Variants in GRIK4 observed in about 807,000 individuals in gnomAD.
GRIK4 encodes the protein glutamate receptor ionotropic, kainate 4.
Under a neutral mutation model 104.9 loss-of-function variants are expected in GRIK4, and 40 were observed. The observed-to-expected ratio is 0.38, with a 90% CI of 0.30 to 0.50. GRIK4 has a LOEUF of 0.50. GRIK4 is among the 20% of genes least tolerant of loss of function. The pLI is 0.93. For missense variants in GRIK4, 1,047 were observed against 1,308.1 expected (o/e 0.80, Z 3.08); for synonymous variants, 485 against 524.9 (o/e 0.92, Z 1.04).
intron 1 of GRIK4, among the ~76,000 whole-genome samples, chr11:120,552,141 G>A (rs114645872): frequency 0.018 from 2,692 of 152,326 alleles, 79 homozygotes; most frequent in African/African-American, 0.06. Context: ...AATTTCCCCC[G>A]GGGCCTGGAC....
At chr11:120,731,247 TGTTTTTTTTTA>T (rs1951122853) in intron 3 of GRIK4, among the ~76,000 whole-genome samples, 2 of 150,910 alleles carry the variant, frequency 1.3e-5, no homozygotes, top group Middle Eastern at 3.4e-3. Context: ...CTTCTATACC[TGTTTTTTTTTA>T]GTTTTTTTTT....
intron 3 of GRIK4, among the ~76,000 whole-genome samples, chr11:120,699,203 C>T (rs1231120043): frequency 6.6e-6 from 1 of 152,166 alleles, no homozygotes; most frequent in Non-Finnish European, 1.5e-5. Context: ...CACCTACCTG[C>T]CTTGATCTCT....
intron 12 of GRIK4, 151 bp downstream of exon 12, chr11:120,898,790 G>A: frequency 1.6e-6 from 1 of 621,484 alleles, no homozygotes; most frequent in Non-Finnish European, 2.9e-6. Context: ...TCAAGTTGCT[G>A]TTTCATATGG....
intron 6 of GRIK4, among the ~76,000 whole-genome samples, chr11:120,821,796 T>C (rs889287988): frequency 2.6e-5 from 4 of 152,200 alleles, no homozygotes; most frequent in African/African-American, 9.6e-5. Flanking sequence ...TTCGAGCATC[T>C]CCTGGGTGCT....
chr11:120,678,065 A>T (rs1048637992), intron 3 of GRIK4, among the ~76,000 whole-genome samples: 2 of 152,208 alleles, frequency 1.3e-5, no homozygotes, highest in African/African-American at 4.8e-5. Context: ...TATCTATTAC[A>T]CTAGACTCCT....
chr11:120,628,878 C>T (rs890994670), intron 1 of GRIK4, among the ~76,000 whole-genome samples: 2 of 152,142 alleles, frequency 1.3e-5, no homozygotes, highest in Admixed American at 6.5e-5. Flanking sequence ...CCCTCCCTCC[C>T]TTCCTTCCTT....
chr11:120,785,618 A>G (rs941517036), intron 3 of GRIK4, among the ~76,000 whole-genome samples: 2 of 152,230 alleles, frequency 1.3e-5, no homozygotes, highest in African/African-American at 4.8e-5. Context: ...GAGTTAGCTC[A>G]TATCAGGGTC....
At chr11:120,519,889 T>TTTTTTTTG (rs1555132646) in intron 1 of GRIK4, among the ~76,000 whole-genome samples, 3 of 146,582 alleles carry the variant, frequency 2.0e-5, no homozygotes, top group South Asian at 2.2e-4. Context: ...TGTTTTTTTT[T>TTTTTTTTG]TTGTTGTTGT....
At chr11:120,962,042 G>C (rs1022367426) in intron 17 of GRIK4, among the ~76,000 whole-genome samples, 1 of 138,216 alleles carries the variant, frequency 7.2e-6, no homozygotes, top group African/African-American at 2.6e-5. Flanking sequence ...GGGTATCTCT[G>C]TATAGTCCTA....
chr11:120,905,513 T>G lies in GRIK4; in HGVS notation c.1476+20T>G. On this transcript the variant is annotated intron_variant, in intron 13 of 20. Coordinates refer to ENST00000527524, the MANE Select transcript of GRIK4 (RefSeq NM_014619.5). This position sits in a 1 kb window ranked among gnomAD's most constrained non-coding sequence, Gnocchi z 5.1. ...GCTAGGGTAAGGAGAGGACAAGTGATCTGGGCCTGAGGGTGGGCTGGGAGG... is the reference window on the plus strand; with the variant it reads ...GCTAGGGTAAGGAGAGGACAAGTGAGCTGGGCCTGAGGGTGGGCTGGGAGG... 9.7e-7 allele frequency: 1 copy of G among 1,032,572 alleles called. No individual in the cohort carries two copies. The highest frequency in any genetic ancestry group is 1.2e-5 in the South Asian group (1 of 81,032). 64.0% of individuals were successfully genotyped at this position (1,032,572 alleles called of 1,614,324 possible).
At position 120,905,431 on chromosome 11, in the gene GRIK4, G is replaced by T. The variant is rs369283106; in HGVS notation, c.1414G>T (p.Val472Leu). ...CAAGATCCGCCTGGTTGGGGATGGC[G>T]TGTACGGCGTTCCCGAGGCCAACGG... ...NYKIRLVGDG[V>L]YGVPEANGTW... Residue 472 changes from valine to leucine, a missense_variant, in exon 13 of 21, where the codon GTG becomes TTG. Transcript: ENST00000527524. The surrounding 1 kb of genome is among the most constrained non-coding windows in gnomAD (Gnocchi z 5.1). 6.2e-7 allele frequency: 1 copy of T among 1,611,098 alleles called. No homozygotes were observed. The highest frequency in any genetic ancestry group is 8.5e-7 in the Non-Finnish European group (1 of 1,178,210).
chr11:120,770,785 G>A (rs188656152), intron 3 of GRIK4, among the ~76,000 whole-genome samples: 268 of 152,254 alleles, frequency 1.8e-3, no homozygotes, highest in Admixed American at 7.2e-3. Context: ...CTTCTGGTGG[G>A]ATTCGTATCC....
intron 13 of GRIK4, among the ~76,000 whole-genome samples, chr11:120,934,549 C>T (rs537623699): frequency 1.3e-5 from 2 of 152,270 alleles, no homozygotes; most frequent in African/African-American, 4.8e-5. Context: ...GTGGCAGCTG[C>T]ACGGCCCCTA....
At chr11:120,690,231 G>A (rs1402062383) in intron 3 of GRIK4, among the ~76,000 whole-genome samples, 1 of 152,164 alleles carries the variant, frequency 6.6e-6, no homozygotes, top group Non-Finnish European at 1.5e-5. Flanking sequence ...TTAGTGTCTG[G>A]TGTTGAAGTG....
intron 11 of GRIK4, among the ~76,000 whole-genome samples, chr11:120,887,426 A>C (rs1363140655): frequency 6.6e-6 from 1 of 152,234 alleles, no homozygotes; most frequent in African/African-American, 2.4e-5. Flanking sequence ...GCCACTCTGC[A>C]AATTTACATC....
intron 3 of GRIK4, among the ~76,000 whole-genome samples, chr11:120,801,824 A>C (rs1228671723): frequency 6.6e-6 from 1 of 152,108 alleles, no homozygotes; most frequent in East Asian, 1.9e-4. Context: ...ATCCCATGCC[A>C]TATCTTGTAA....
chr11:120,624,114 C>T (rs60913602), intron 1 of GRIK4, among the ~76,000 whole-genome samples: 1 of 152,330 alleles, frequency 6.6e-6, no homozygotes, highest in African/African-American at 2.4e-5. Flanking sequence ...AAGAGCCTCT[C>T]TCTTCATTAG....
chr11:120,511,800 G>A lies in GRIK4; in HGVS notation c.-246G>A. The A allele has an allele frequency of 2.8e-6, 1 of 362,276 alleles. No homozygotes were observed. Among genetic ancestry groups the A allele is most frequent in the Non-Finnish European group, 5.6e-6 (1 of 179,282 alleles). The allele number at this position is 362,276 out of a possible 1,614,324, so 22.4% of individuals were successfully genotyped here. ...GGCTGGAGCCGCCACGGCTGCTGCG[G>A]AAGAGGAAAAACGGCCAACAGCAGC... On this transcript the variant is annotated 5_prime_UTR_variant, in exon 1 of 21. Coordinates refer to ENST00000527524, the MANE Select transcript of GRIK4 (RefSeq NM_014619.5).
chr11:120,937,583 G>C (rs1212120261), intron 13 of GRIK4, among the ~76,000 whole-genome samples: 1 of 152,146 alleles, frequency 6.6e-6, no homozygotes, highest in Non-Finnish European at 1.5e-5. Context: ...CTTGACCGGG[G>C]ACAAAGGAAA....
Sources: gnomAD v4.1 joint callset for allele counts (sites outside exome capture counted in the v4.1 genomes callset) on GRCh38, gnomAD v4.1.1 for gene constraint, Gnocchi (gnomAD v3.1) non-coding constraint, MANE v1.5 for transcripts, NCBI Gene and HGNC (gene_info 2026-07-23, HGNC 2026-07-21) for gene names.